Variants in TIMMDC1 observed in about 807,000 individuals in gnomAD.
TIMMDC1 encodes translocase of inner mitochondrial membrane domain containing 1, also known as complex I assembly factor TIMMDC1, mitochondrial.
A neutral mutation model predicts 32.6 loss-of-function variants in TIMMDC1; 25 were observed. That is an observed-to-expected ratio of 0.77 (90% CI 0.56 to 1.07). The LOEUF (loss-of-function observed/expected upper bound fraction) is 1.07, where lower values mean the gene tolerates loss of function less well. Ranked by LOEUF, TIMMDC1 falls within the 50% of genes least tolerant of loss-of-function variation. The pLI is 0.00. For synonymous variants in TIMMDC1, 130 were observed against 127.6 expected, an observed-to-expected ratio of 1.02 and a Z score of -0.13; for missense variants, 329 against 349.2, an observed-to-expected ratio of 0.94 and a Z score of 0.46.
intron 5 of TIMMDC1, 31 bp downstream of exon 5, chr3:119,513,750 G>T: frequency 1.4e-6 from 2 of 1,462,908 alleles, no homozygotes; most frequent in Non-Finnish European, 1.9e-6. Flanking sequence ...GTTCTAAATT[G>T]GCACAATTTT....
Position 119,523,768 on chromosome 3 carries a change from A to C in TIMMDC1, c.*12A>C. ...AAGACAAGGACTGAAAGTGCTCTGA[A>C]CTTGAAACTCACTGGAGAGCTGAAG... On this transcript the variant is annotated 3_prime_UTR_variant, in exon 7 of 7. Transcript: ENST00000494664. 1.3e-6 allele frequency: 2 copies of C among 1,582,648 alleles called. No individual in the cohort carries two copies. The highest frequency in any genetic ancestry group is 2.3e-5 in the South Asian group (2 of 86,128).
intron 4 of TIMMDC1, 108 bp from the exon 5 acceptor site, chr3:119,513,533 T>G: frequency 2.5e-6 from 2 of 798,706 alleles, no homozygotes; most frequent in Non-Finnish European, 4.3e-6. Context: ...ATATTAACAT[T>G]GGATTCAGAA....
intron 1 of TIMMDC1, among the ~76,000 whole-genome samples, chr3:119,499,356 T>G (rs2081851344): frequency 6.6e-6 from 1 of 151,530 alleles, no homozygotes; most frequent in African/African-American, 2.4e-5. Context: ...TACCTCGGCC[T>G]CCCAAAGTGC....
At chr3:119,517,169 CG>C in intron 5 of TIMMDC1, 35 bp from the exon 6 acceptor site, 1 of 1,400,542 alleles carries the variant, frequency 7.1e-7, no homozygotes, top group Non-Finnish European at 1.0e-6. Flanking sequence ...TCTAATGACT[CG>C]TTTTTCCTAA....
intron 4 of TIMMDC1, among the ~76,000 whole-genome samples, chr3:119,509,795 C>T (rs192031141): frequency 6.5e-4 from 99 of 151,768 alleles, no homozygotes; most frequent in Non-Finnish European, 1.1e-3. Flanking sequence ...AAGGGATTCT[C>T]CTGCCTCAGC....
intron 6 of TIMMDC1, among the ~76,000 whole-genome samples, chr3:119,523,132 T>C (rs752166328): frequency 1.3e-5 from 2 of 152,230 alleles, no homozygotes; most frequent in Non-Finnish European, 2.9e-5. Context: ...AATATAAATC[T>C]ATAGTTTTGT....
At chr3:119,520,285 AAAAC>A (rs2082017088) in intron 6 of TIMMDC1, among the ~76,000 whole-genome samples, 1 of 152,146 alleles carries the variant, frequency 6.6e-6, no homozygotes, top group East Asian at 1.9e-4. Context: ...TAGAGACTTA[AAAAC>A]AAACAAAAAA....
chr3:119,502,402 G>A (rs1577095378), intron 2 of TIMMDC1, among the ~76,000 whole-genome samples: 1 of 151,610 alleles, frequency 6.6e-6, no homozygotes, highest in Admixed American at 6.6e-5. Flanking sequence ...GCTAATTTTT[G>A]TATTTTTTGT....
At chr3:119,503,483 G>A in intron 2 of TIMMDC1, 49 bp from the exon 3 acceptor site, 1 of 1,452,398 alleles carries the variant, frequency 6.9e-7, no homozygotes, top group Non-Finnish European at 9.3e-7. Flanking sequence ...CTAGAATAAG[G>A]AAAATATGAT....
intron 4 of TIMMDC1, among the ~76,000 whole-genome samples, chr3:119,508,328 C>T (rs182281959): frequency 6.6e-6 from 1 of 152,170 alleles, no homozygotes; most frequent in African/African-American, 2.4e-5. Context: ...GGCTTCTGCT[C>T]GTGGGTTTCT....
At chr3:119,515,730 C>A (rs2081981796) in intron 5 of TIMMDC1, among the ~76,000 whole-genome samples, 2 of 152,180 alleles carry the variant, frequency 1.3e-5, no homozygotes, top group African/African-American at 2.4e-5. Context: ...GAATATTCTG[C>A]TCTCCAGCTA....
Position 119,503,983 on chromosome 3 carries a change from G to A in TIMMDC1, c.479G>A (p.Arg160Gln), listed in dbSNP as rs748256251. 20 of 1,613,348 alleles carry A rather than the reference G, an allele frequency of 1.2e-5. No homozygotes were observed. Among genetic ancestry groups the A allele is most frequent in the South Asian group, 3.3e-5 (3 of 91,044 alleles). ...GTGAACACTAGTCTGAATGTATACC[G>A]AAATAAAGATGCCTTAAGCCATTTT... ...NTVNTSLNVY[R>Q]NKDALSHFVI... is the part of the protein sequence containing the mutation. Residue 160 changes from arginine (R) to glutamine (Q), a missense_variant, in exon 4 of 7, where the codon CGA (arginine) becomes CAA (glutamine). By Grantham distance (43) the Arg-to-Gln change is conservative. Coordinates refer to ENST00000494664, the MANE Select transcript of TIMMDC1 (RefSeq NM_016589.4).
rs760455314 is a variant in TIMMDC1 at position 119,517,178 on chromosome 3, T to C, written c.597-27T>C. The C allele has an allele frequency of 2.7e-6, 4 of 1,509,432 alleles. No individual in the cohort carries two copies. In the Admixed American group the frequency reaches 6.7e-5, roughly 25 times the overall value. 93.5% of individuals were successfully genotyped at this position (1,509,432 alleles called of 1,614,324 possible). A position where few individuals can be genotyped will look rare whatever the true frequency, so the allele number is the denominator to read the frequency against. ...GCAAGGTCTAATGACTCGTTTTTCC[T>C]AAGCTTTCCCTCTCCTTTCTTCTCA... On this transcript the variant is annotated intron_variant, in intron 5 of 6. Coordinates refer to ENST00000494664, the MANE Select transcript of TIMMDC1 (RefSeq NM_016589.4).
At chr3:119,522,800 GTGTT>G (rs1238778714) in intron 6 of TIMMDC1, among the ~76,000 whole-genome samples, 5 of 115,308 alleles carry the variant, frequency 4.3e-5, no homozygotes, top group Admixed American at 1.6e-4. Flanking sequence ...ACACGTATGG[GTGTT>G]TGTGTGTGTG....
chr3:119,518,630 A>AT (rs1368422703), intron 6 of TIMMDC1, among the ~76,000 whole-genome samples: 1 of 152,176 alleles, frequency 6.6e-6, no homozygotes, highest in Non-Finnish European at 1.5e-5. Flanking sequence ...GAGATCAGTG[A>AT]TTTTGAGATG....
At chr3:119,502,486 C>T (rs59024323) in intron 2 of TIMMDC1, among the ~76,000 whole-genome samples, 23,391 of 151,794 alleles carry the variant, frequency 0.15, 2,341 homozygotes, top group East Asian at 0.28. Flanking sequence ...CCCTCCTTGG[C>T]CTCCCAAAGG....
chr3:119,514,322 A>G (rs1420240434), intron 5 of TIMMDC1, among the ~76,000 whole-genome samples: 1 of 152,114 alleles, frequency 6.6e-6, no homozygotes, highest in Non-Finnish European at 1.5e-5. Context: ...GGATGTGAAT[A>G]TATTTCTTTT....
chr3:119,514,051 T>C (rs1466296058), intron 5 of TIMMDC1, among the ~76,000 whole-genome samples: 2 of 152,216 alleles, frequency 1.3e-5, no homozygotes, highest in Non-Finnish European at 2.9e-5. Context: ...GAAACTATAG[T>C]TCGAACACAG....
At position 119,524,243 on chromosome 3, in the gene TIMMDC1, T is replaced by A. The variant is rs2082050580; in HGVS notation, c.*487T>A. On this transcript the variant is annotated 3_prime_UTR_variant, in exon 7 of 7. Transcript: ENST00000494664. ...TTTCATCTAAATAAACAAAGATGAT[T>A]TCTTTGACACTTGAAATAAAATACA... 6.6e-6 allele frequency: 1 copy of A among 152,256 alleles called. No individual in the cohort carries two copies. Among genetic ancestry groups the A allele is most frequent in the African/African-American group, 2.4e-5 (1 of 41,444 alleles). The allele number at this position is 152,256 out of a possible 1,614,324, so 9.4% of individuals were successfully genotyped here. A position where few individuals can be genotyped will look rare whatever the true frequency, so the allele number is the denominator to read the frequency against.
Sources: gnomAD v4.1 joint callset for allele counts (sites outside exome capture counted in the v4.1 genomes callset) on GRCh38, gnomAD v4.1.1 for gene constraint, MANE v1.5 for transcripts, NCBI Gene and HGNC (gene_info 2026-07-23, HGNC 2026-07-21) for gene names.